The following TPH2 variants were observed in gnomAD, a reference collection of about 807,000 sequenced individuals.
The protein encoded by TPH2 is tryptophan 5-hydroxylase 2.
TPH2 carries 27 observed loss-of-function variants against 59.1 expected under a neutral mutation model. That is an observed-to-expected ratio of 0.46 (90% confidence interval 0.34 to 0.63). TPH2 has a LOEUF of 0.63. Among genes scored for constraint, TPH2 ranks in the 30% least tolerant of loss-of-function variants. TPH2 has a pLI of 0.01. For synonymous variants in TPH2, 220 were observed against 210.5 expected, an observed-to-expected ratio of 1.05 and a Z score of -0.39; for missense variants, 523 against 588.3, an observed-to-expected ratio of 0.89 and a Z score of 1.15.
chr12:71,973,439 A>C (rs1377287099), intron 6 of TPH2, among the ~76,000 whole-genome samples: 1 of 152,236 alleles, frequency 6.6e-6, no homozygotes, highest in Non-Finnish European at 1.5e-5. Flanking sequence ...CCCTCCCACC[A>C]GTGCCGTGAC....
chr12:71,941,009 G>A (rs1871045541), intron 1 of TPH2, among the ~76,000 whole-genome samples: 2 of 152,046 alleles, frequency 1.3e-5, no homozygotes, highest in African/African-American at 4.8e-5. Flanking sequence ...ATGTGTCTGT[G>A]CTGAACTTTT....
intron 8 of TPH2, among the ~76,000 whole-genome samples, chr12:72,018,997 C>T (rs997365592): frequency 4.6e-5 from 7 of 152,174 alleles, no homozygotes; most frequent in Non-Finnish European, 8.8e-5. Flanking sequence ...GAGAGCTGAA[C>T]ATCCCAGATA....
intron 7 of TPH2, among the ~76,000 whole-genome samples, chr12:71,980,705 C>T (rs1044573661): frequency 2.2e-4 from 33 of 152,254 alleles, no homozygotes; most frequent in Middle Eastern, 3.4e-3. Context: ...ATAGAAGGCA[C>T]TTTGTTAGTT....
At chr12:72,011,245 G>A (rs975325609) in intron 8 of TPH2, among the ~76,000 whole-genome samples, 2 of 152,176 alleles carry the variant, frequency 1.3e-5, no homozygotes, top group African/African-American at 4.8e-5. Context: ...TATTTCTAAG[G>A]TCCAATGAGT....
chr12:71,986,681 C>A (rs1342865896), intron 7 of TPH2, among the ~76,000 whole-genome samples: 1 of 141,012 alleles, frequency 7.1e-6, no homozygotes, highest in African/African-American at 2.6e-5. Context: ...TTATGTCACT[C>A]TCCCCTACCC....
intron 8 of TPH2, among the ~76,000 whole-genome samples, chr12:72,016,426 T>C (rs1873256284): frequency 6.6e-6 from 1 of 152,120 alleles, no homozygotes; most frequent in East Asian, 1.9e-4. Context: ...GGAAGCTACG[T>C]AACTAAGCTT....
chr12:71,943,118 CTTAATA>C (rs1335500107), intron 2 of TPH2, among the ~76,000 whole-genome samples: 2 of 152,166 alleles, frequency 1.3e-5, no homozygotes, highest in Non-Finnish European at 2.9e-5. Context: ...TGAACTTAAT[CTTAATA>C]TTATTATCAG....
chr12:71,961,930 C>A, intron 5 of TPH2: 1 of 1,061,818 alleles, frequency 9.4e-7, no homozygotes, highest in South Asian at 3.1e-5. Flanking sequence ...ACAAAACAAA[C>A]TAATGTTTTT....
In TPH2 at chr12:71,972,719, A is replaced by T. The variant is rs113591706; in HGVS notation, c.805+4A>T. 1 of 1,613,334 alleles carries T rather than the reference A, an allele frequency of 6.2e-7. No homozygotes were observed. Among genetic ancestry groups the T allele is most frequent in the Non-Finnish European group, 8.5e-7 (1 of 1,179,928 alleles). The stretch of plus-strand genomic sequence containing the variant: ...GATGTCTCCATGTTTCTGAAAGGTA[A>T]GATTTCACACAGGCTGTCTCTTATT... On this transcript the variant is annotated splice_donor_region_variant and intron_variant, in intron 6 of 10. Coordinates refer to ENST00000333850, the MANE Select transcript of TPH2 (RefSeq NM_173353.4).
At chr12:71,962,418 A>G in intron 5 of TPH2, 5 of 985,332 alleles carry the variant, frequency 5.1e-6, no homozygotes, top group Non-Finnish European at 6.0e-6. Flanking sequence ...CCTGGTGAAA[A>G]TTTTGGTTAC....
intron 5 of TPH2, chr12:71,964,678 C>T (rs1871766842): frequency 4.1e-6 from 4 of 985,084 alleles, no homozygotes; most frequent in African/African-American, 3.5e-5. Flanking sequence ...TGAGAGTCAT[C>T]AATTACTGAT....
At chr12:71,999,001 C>A (rs1872758033) in intron 8 of TPH2, among the ~76,000 whole-genome samples, 1 of 152,126 alleles carries the variant, frequency 6.6e-6, no homozygotes, top group African/African-American at 2.4e-5. Context: ...GAGAGTCATG[C>A]CTAGTGAAAG....
chr12:71,988,408 A>G (rs939556046), intron 7 of TPH2, among the ~76,000 whole-genome samples: 8 of 152,186 alleles, frequency 5.3e-5, no homozygotes, highest in African/African-American at 1.7e-4. Flanking sequence ...CAGGAAGCAT[A>G]GTGGCATCTG....
At chr12:72,015,847 G>A (rs1873234326) in intron 8 of TPH2, among the ~76,000 whole-genome samples, 1 of 152,102 alleles carries the variant, frequency 6.6e-6, no homozygotes, top group South Asian at 2.1e-4. Flanking sequence ...GGAGGGTGCG[G>A]GGGATGAAAC....
chr12:71,985,113 C>G (rs553273250), intron 7 of TPH2, among the ~76,000 whole-genome samples: 1 of 152,144 alleles, frequency 6.6e-6, no homozygotes, highest in Non-Finnish European at 1.5e-5. Flanking sequence ...TACTACAACA[C>G]TTTGAGTTGT....
intron 6 of TPH2, 33 bp from the exon 7 acceptor site, chr12:71,978,919 A>G (rs1299307305): frequency 1.2e-6 from 2 of 1,613,916 alleles, no homozygotes; most frequent in Non-Finnish European, 1.7e-6. Flanking sequence ...TGCTGGGTTA[A>G]TATTTAGTTG....
At chr12:71,975,009 T>C (rs1021482118) in intron 6 of TPH2, among the ~76,000 whole-genome samples, 9 of 152,102 alleles carry the variant, frequency 5.9e-5, no homozygotes, top group Non-Finnish European at 1.2e-4. Flanking sequence ...AGAGGCAAAA[T>C]CAAGGCTATT....
chr12:71,972,364 G>A (rs1451205828), intron 5 of TPH2, among the ~76,000 whole-genome samples, 155 bp from the exon 6 acceptor site: 2 of 152,204 alleles, frequency 1.3e-5, no homozygotes, highest in East Asian at 1.9e-4. Context: ...TAGAAGGTTA[G>A]CATTTGCTTT....
rs7305115 is a variant in TPH2 at position 71,979,082 on chromosome 12, A to C, written c.936A>C (p.Pro312=). The change falls in exon 7 of 11, where the codon CCA becomes CCC. Residue 312 remains proline, a synonymous_variant. Coordinates refer to ENST00000333850, the MANE Select transcript of TPH2 (RefSeq NM_173353.4). ...IRHGSDPLYT[P]EPDTCHELLG... is the part of the protein sequence containing the mutation. ...ATGGCTCAGATCCCCTCTACACCCC[A>C]GAACCGTGAGTACCTACATTAAAGC... is the stretch of plus-strand genomic sequence containing the variant. 6.2e-7 allele frequency: 1 copy of C among 1,613,620 alleles called. No individual in the cohort carries two copies. The highest frequency in any genetic ancestry group is 2.2e-5 in the East Asian group (1 of 44,868).
Sources: allele counts gnomAD v4.1 joint callset (sites outside exome capture counted in the v4.1 genomes callset), GRCh38; gene constraint gnomAD v4.1.1; transcripts MANE v1.5; gene names NCBI Gene and HGNC (gene_info 2026-07-23, HGNC 2026-07-21).